AKT3: variants seen among roughly 807,000 people sequenced by gnomAD.
The protein encoded by AKT3 is AKT serine/threonine kinase 3.
A neutral mutation model predicts 65.3 loss-of-function variants in AKT3; 15 were observed. That is an observed-to-expected ratio of 0.23 (90% confidence interval 0.15 to 0.35). The LOEUF (loss-of-function observed/expected upper bound fraction) is 0.35, where lower values mean the gene tolerates loss of function less well. Among genes scored for constraint, AKT3 ranks in the 10% least tolerant of loss-of-function variants. AKT3 has a pLI of 1.00. For synonymous variants in AKT3, 206 were observed against 183.8 expected (o/e 1.12, Z -0.98); for missense variants, 243 against 576.5 (o/e 0.42, Z 5.92).
chr1:243,608,001 G>A (rs555111711), intron 8 of AKT3, among the ~76,000 whole-genome samples: 17 of 152,210 alleles, frequency 1.1e-4, no homozygotes, highest in Non-Finnish European at 2.1e-4. Flanking sequence ...CCAGCCCTGC[G>A]GAACTGTGAG....
chr1:243,641,765 T>C (rs1238652220), intron 5 of AKT3, among the ~76,000 whole-genome samples: 1 of 151,958 alleles, frequency 6.6e-6, no homozygotes, highest in African/African-American at 2.4e-5. Flanking sequence ...CAAAACCCTG[T>C]CTCTACAAAA....
At chr1:243,553,012 A>T in intron 10 of AKT3, 69 bp from the exon 11 acceptor site, 1 of 1,244,692 alleles carries the variant, frequency 8.0e-7, no homozygotes, top group Non-Finnish European at 1.1e-6. Context: ...CATAAAACAT[A>T]AGATTTTTAC....
At chr1:243,518,758 GA>G (rs1198250147) in intron 12 of AKT3, among the ~76,000 whole-genome samples, 1 of 152,064 alleles carries the variant, frequency 6.6e-6, no homozygotes, top group Non-Finnish European at 1.5e-5. Context: ...AAACTTTATG[GA>G]AAATGTGTAT....
At chr1:243,560,067 T>C (rs747479255) in intron 10 of AKT3, among the ~76,000 whole-genome samples, 1 of 152,074 alleles carries the variant, frequency 6.6e-6, no homozygotes, top group Non-Finnish European at 1.5e-5. Flanking sequence ...ACTGTTACAT[T>C]TCAATCCCTA....
At chr1:243,670,805 A>C (rs1683106444) in intron 3 of AKT3, among the ~76,000 whole-genome samples, 1 of 152,156 alleles carries the variant, frequency 6.6e-6, no homozygotes, top group Admixed American at 6.5e-5. Context: ...CTGAATTTTA[A>C]ATGTTCTGCT....
intron 2 of AKT3, among the ~76,000 whole-genome samples, chr1:243,835,098 C>T (rs899418952): frequency 1.3e-5 from 2 of 152,068 alleles, no homozygotes; most frequent in African/African-American, 4.8e-5. Context: ...AATAGAGTTC[C>T]TCAACCTCAG....
intron 2 of AKT3, among the ~76,000 whole-genome samples, chr1:243,801,315 GA>G (rs1233785875): frequency 2.0e-5 from 3 of 151,776 alleles, no homozygotes; most frequent in African/African-American, 7.3e-5. Flanking sequence ...ATCCTTAAAA[GA>G]AAAAAAGATA....
intron 4 of AKT3, among the ~76,000 whole-genome samples, chr1:243,652,190 G>T (rs1031883146): frequency 6.6e-6 from 1 of 151,952 alleles, no homozygotes; most frequent in East Asian, 1.9e-4. Context: ...TAGGAGTACA[G>T]GTGTCTGCCC....
intron 2 of AKT3, among the ~76,000 whole-genome samples, chr1:243,702,465 A>G (rs1371167949): frequency 6.6e-6 from 1 of 152,150 alleles, no homozygotes; most frequent in Non-Finnish European, 1.5e-5. Flanking sequence ...GTTTTTATCC[A>G]CCAAAGGGTT....
chr1:243,575,594 A>AG (rs1674883014), intron 8 of AKT3, among the ~76,000 whole-genome samples: 1 of 152,172 alleles, frequency 6.6e-6, no homozygotes, highest in Non-Finnish European at 1.5e-5. Flanking sequence ...TTAAAAAAAG[A>AG]GGGTTGTGAT....
intron 9 of AKT3, among the ~76,000 whole-genome samples, chr1:243,564,777 C>A (rs533323205): frequency 6.6e-6 from 1 of 152,252 alleles, no homozygotes; most frequent in African/African-American, 2.4e-5. Context: ...GGTATTTCTT[C>A]TGTCATACTG....
chr1:243,679,334 T>C (rs1314766941), intron 3 of AKT3, among the ~76,000 whole-genome samples: 1 of 152,246 alleles, frequency 6.6e-6, no homozygotes, highest in East Asian at 1.9e-4. Flanking sequence ...GGGTCAACTG[T>C]ATTTCACTTT....
Position 243,850,088 on chromosome 1 carries a change from G to C in AKT3, c.-161C>G. Reference sequence around the variant, plus strand: ...GCGGCCCCGCAGCTGCTCGGGCGGCGGCGGAGGATGGAGCCGGGGGGGGGC... The same window carrying C: ...GCGGCCCCGCAGCTGCTCGGGCGGCCGCGGAGGATGGAGCCGGGGGGGGGC... On this transcript the variant is annotated 5_prime_UTR_variant, in exon 1 of 14. Coordinates refer to ENST00000673466, the MANE Select transcript of AKT3 (RefSeq NM_005465.7). 1.8e-6 allele frequency: 1 copy of C among 542,974 alleles called. No homozygotes were observed. The highest frequency in any genetic ancestry group is 2.3e-6 in the Non-Finnish European group (1 of 426,834). 33.6% of individuals were successfully genotyped at this position (542,974 alleles called of 1,614,324 possible).
chr1:243,501,633 A>G lies in AKT3; in HGVS notation c.*3616T>C, dbSNP rs937058305. 8.7e-6 allele frequency: 2 copies of G among 229,448 alleles called. No homozygotes were observed. Among genetic ancestry groups the G allele is most frequent in the African/African-American group, 2.2e-5 (1 of 44,784 alleles). 14.2% of individuals were successfully genotyped at this position (229,448 alleles called of 1,614,324 possible). On this transcript the variant is annotated 3_prime_UTR_variant, in exon 14 of 14. Coordinates refer to ENST00000673466, the MANE Select transcript of AKT3 (RefSeq NM_005465.7). ...GTGTGAGCTACAAGGAATTATTTCT[A>G]TATTTTCCTGTCACATTTTATACAA...
chr1:243,835,739 C>A (rs1390644175), intron 2 of AKT3, among the ~76,000 whole-genome samples: 1 of 152,120 alleles, frequency 6.6e-6, no homozygotes, highest in Non-Finnish European at 1.5e-5. Flanking sequence ...ATTACCACTC[C>A]TGTTGAGAAT....
intron 1 of AKT3, among the ~76,000 whole-genome samples, chr1:243,849,807 C>T (rs891843074): frequency 1.3e-5 from 2 of 151,764 alleles, no homozygotes; most frequent in African/African-American, 4.8e-5. Context: ...CGGGGGGTGT[C>T]GGTGTCAACC....
intron 2 of AKT3, among the ~76,000 whole-genome samples, chr1:243,749,964 AAAGTG>A (rs1274632691): frequency 6.6e-6 from 1 of 152,148 alleles, no homozygotes; most frequent in African/African-American, 2.4e-5. Context: ...CTTGGCATCT[AAAGTG>A]AAGTGATCTT....
At chr1:243,659,990 C>T (rs1435140505) in intron 4 of AKT3, among the ~76,000 whole-genome samples, 1 of 151,980 alleles carries the variant, frequency 6.6e-6, no homozygotes, top group Non-Finnish European at 1.5e-5. Flanking sequence ...TGATGCTGGC[C>T]TCATAAAATG....
chr1:243,783,975 T>C (rs1163865635), intron 2 of AKT3, among the ~76,000 whole-genome samples: 1 of 152,212 alleles, frequency 6.6e-6, no homozygotes, highest in East Asian at 1.9e-4. Flanking sequence ...TTCTAGACTC[T>C]GGGAAGACAG....
Sources: allele counts gnomAD v4.1 joint callset (sites outside exome capture counted in the v4.1 genomes callset), GRCh38; gene constraint gnomAD v4.1.1; transcripts MANE v1.5; gene names NCBI Gene and HGNC (gene_info 2026-07-23, HGNC 2026-07-21).